STARD13: variants seen among roughly 807,000 people sequenced by gnomAD.
STARD13 encodes the protein StAR related lipid transfer domain containing 13, also known as stAR-related lipid transfer protein 13.
A neutral mutation model predicts 106.4 loss-of-function variants in STARD13; 62 were observed. The ratio of observed to expected loss-of-function variants is 0.58; its 90% confidence interval spans 0.48 to 0.72. The LOEUF is 0.72. Ranked by LOEUF, STARD13 falls within the 30% of genes least tolerant of loss-of-function variation. The pLI is 0.00. For missense variants in STARD13, 1,387 were observed against 1,424.0 expected (o/e 0.97, Z 0.42); for synonymous variants, 565 against 553.0 (o/e 1.02, Z -0.31).
the STARD13 span, among the ~76,000 whole-genome samples, chr13:33,546,811 A>T: frequency 1.3e-5 from 2 of 151,990 alleles, no homozygotes; most frequent in African/African-American, 4.8e-5. Context: ...TTTTATTTGT[A>T]ATCAATTTAA....
the STARD13 span, among the ~76,000 whole-genome samples, chr13:33,413,461 A>G: frequency 2.6e-5 from 4 of 152,154 alleles, no homozygotes; most frequent in African/African-American, 9.6e-5. Context: ...AAGAAAACCA[A>G]TGAAACAAAG....
the STARD13 span, among the ~76,000 whole-genome samples, chr13:33,498,661 T>C: frequency 6.6e-6 from 1 of 152,074 alleles, no homozygotes; most frequent in Non-Finnish European, 1.5e-5. Context: ...TTGTATTAAA[T>C]AAAAAATGCT....
chr13:33,105,100 A>C lies in STARD13; in HGVS notation c.*493T>G, dbSNP rs1158230309. 2 of 155,488 alleles carry C rather than the reference A, an allele frequency of 1.3e-5. No homozygotes were observed. The highest frequency in any genetic ancestry group is 3.8e-4 in the East Asian group (2 of 5,318). 9.6% of individuals were successfully genotyped at this position (155,488 alleles called of 1,614,324 possible). A position where few individuals can be genotyped will look rare whatever the true frequency, so the allele number is the denominator to read the frequency against. On this transcript the variant is annotated 3_prime_UTR_variant, in exon 14 of 14. Coordinates refer to ENST00000336934, the MANE Select transcript of STARD13 (RefSeq NM_178006.4). ...TTCTGCACAGCTTACAGGACAGTGG[A>C]GAGATGGGGCCCAGAGCCACTTGGA... is the stretch of plus-strand genomic sequence containing the variant.
At chr13:33,470,678 T>C in the STARD13 span, among the ~76,000 whole-genome samples, 1 of 152,276 alleles carries the variant, frequency 6.6e-6, no homozygotes, top group Non-Finnish European at 1.5e-5. Flanking sequence ...TGACCAGTGA[T>C]GATGAGCCTT....
upstream of STARD13, among the ~76,000 whole-genome samples, chr13:33,290,041 A>C (rs1004388174): frequency 6.6e-6 from 1 of 152,146 alleles, no homozygotes; most frequent in African/African-American, 2.4e-5. Flanking sequence ...CCTCTAAGCA[A>C]AACTTTTGGT....
chr13:33,129,766 A>G lies in STARD13; in HGVS notation c.911T>C (p.Ile304Thr). Residue 304 changes from isoleucine to threonine, a missense_variant, in exon 5 of 14, where the codon ATC becomes ACC. Coordinates refer to ENST00000336934, the MANE Select transcript of STARD13 (RefSeq NM_178006.4). ...EPESFKAMQCIQIPNGDLQNS... is the reference protein window; with the variant it reads ...EPESFKAMQCTQIPNGDLQNS... ...CTGGAGATCTCCATTTGGTATTTGG[A>G]TGCACTGCATAGCCTTAAAGGACTC... The G allele has an allele frequency of 6.2e-7, 1 of 1,614,012 alleles. No individual in the cohort carries two copies. The highest frequency in any genetic ancestry group is 1.1e-5 in the South Asian group (1 of 91,080).
chr13:33,344,661 T>C (rs2077999844), downstream of STARD13, among the ~76,000 whole-genome samples: 1 of 152,250 alleles, frequency 6.6e-6, no homozygotes, highest in Non-Finnish European at 1.5e-5. Flanking sequence ...GTGGAATTAA[T>C]GTTTCTAACA....
At chr13:33,613,115 G>A in the STARD13 span, among the ~76,000 whole-genome samples, 1 of 152,204 alleles carries the variant, frequency 6.6e-6, no homozygotes, top group Non-Finnish European at 1.5e-5. Context: ...GGTCAAAAAT[G>A]AATAGGATGG....
rs574997588 is a variant in STARD13, at chr13:33,277,902, C to A, written c.169+7568G>T. The A allele has an allele frequency of 2.6e-5, 4 of 152,298 alleles. No homozygotes were observed. In the South Asian group the frequency reaches 8.3e-4, roughly 32 times the overall value. 9.4% of individuals were successfully genotyped at this position (152,298 alleles called of 1,614,324 possible). On this transcript the variant is annotated intron_variant, in intron 1 of 13. Coordinates refer to ENST00000336934, the MANE Select transcript of STARD13 (RefSeq NM_178006.4). ...TTTCATAAAAAGATGGTCATCTGGC[C>A]TTTACTCAGTTGACTTTTAAAGTAT...
the STARD13 span, among the ~76,000 whole-genome samples, chr13:33,482,913 C>T: frequency 1.3e-5 from 2 of 152,064 alleles, no homozygotes; most frequent in African/African-American, 4.8e-5. Context: ...AAAAATTAAG[C>T]AGATAGGAGA....
intron 3 of STARD13, among the ~76,000 whole-genome samples, chr13:33,146,175 T>G (rs2138254293): frequency 6.6e-6 from 1 of 152,176 alleles, no homozygotes; most frequent in Admixed American, 6.5e-5. Flanking sequence ...AAATGCAAAA[T>G]TAGCCAGGCG....
chr13:33,542,899 A>T, the STARD13 span, among the ~76,000 whole-genome samples: 1 of 152,106 alleles, frequency 6.6e-6, no homozygotes, highest in Non-Finnish European at 1.5e-5. Flanking sequence ...TTCCAGAGAA[A>T]CCGTGGCCCC....
chr13:33,645,898 C>T, the STARD13 span, among the ~76,000 whole-genome samples: 2 of 152,150 alleles, frequency 1.3e-5, no homozygotes, highest in African/African-American at 2.4e-5. Context: ...AGGGGATTTC[C>T]CTTTTCTTTT....
At chr13:33,560,533 A>G in the STARD13 span, among the ~76,000 whole-genome samples, 1 of 151,356 alleles carries the variant, frequency 6.6e-6, no homozygotes, top group Admixed American at 6.6e-5. Flanking sequence ...TCAGTCTTAC[A>G]TCCCGTGGGT....
chr13:33,444,110 TGTCTC>T, the STARD13 span, among the ~76,000 whole-genome samples: 1 of 152,146 alleles, frequency 6.6e-6, no homozygotes, highest in Non-Finnish European at 1.5e-5. Flanking sequence ...TTAGATCACG[TGTCTC>T]TCGACCACCA....
chr13:33,595,386 T>G, the STARD13 span, among the ~76,000 whole-genome samples: 2 of 152,188 alleles, frequency 1.3e-5, no homozygotes, highest in East Asian at 3.8e-4. Flanking sequence ...CCACATTGTC[T>G]CACTGGCATA....
intron 1 of STARD13, among the ~76,000 whole-genome samples, chr13:33,214,571 C>T (rs143215886): frequency 1.8e-4 from 27 of 152,256 alleles, no homozygotes; most frequent in African/African-American, 6.3e-4. Context: ...AGTGCATCTG[C>T]CAGCTCCACA....
chr13:33,628,914 C>T, the STARD13 span, among the ~76,000 whole-genome samples: 20,296 of 152,140 alleles, frequency 0.13, 2,545 homozygotes, highest in African/African-American at 0.33. Context: ...ATGATGGTAG[C>T]GAGGGTTACA....
intron 7 of STARD13, among the ~76,000 whole-genome samples, chr13:33,119,820 T>G (rs1875990301): frequency 6.6e-6 from 1 of 152,244 alleles, no homozygotes; most frequent in Non-Finnish European, 1.5e-5. Flanking sequence ...ATGCACAGTT[T>G]TGCCATACTT....
Sources: allele counts gnomAD v4.1 joint callset (sites outside exome capture counted in the v4.1 genomes callset), GRCh38; gene constraint gnomAD v4.1.1; transcripts MANE v1.5; gene names NCBI Gene and HGNC (gene_info 2026-07-23, HGNC 2026-07-21).